Variants in KLHL32 observed in about 807,000 individuals in gnomAD.
The protein encoded by KLHL32 is kelch-like protein 32.
In KLHL32, 35 loss-of-function variants were observed where a neutral mutation model predicts 64.8. The ratio of observed to expected loss-of-function variants is 0.54; its 90% CI spans 0.41 to 0.72. The LOEUF is 0.72. Among genes scored for constraint, KLHL32 ranks in the 30% least tolerant of loss-of-function variants. The pLI, the probability that KLHL32 is intolerant of heterozygous loss-of-function variation, is 0.00. For missense variants in KLHL32, 589 were observed against 768.5 expected (o/e 0.77, Z 2.76); for synonymous variants, 259 against 281.0 (o/e 0.92, Z 0.78).
intron 3 of KLHL32, among the ~76,000 whole-genome samples, chr6:97,011,425 C>T (rs75563613): frequency 5.3e-5 from 8 of 152,164 alleles, no homozygotes; most frequent in African/African-American, 1.9e-4. Context: ...TTATTAATTA[C>T]TAATCACAAG....
the KLHL32 span, among the ~76,000 whole-genome samples, chr6:96,917,966 G>A: frequency 0.023 from 3,456 of 152,242 alleles, 53 homozygotes; most frequent in Non-Finnish European, 0.035. Flanking sequence ...AGGATGTTTA[G>A]CAGCTTCCCT....
chr6:96,925,351 A>T (rs528538496), intron 1 of KLHL32, among the ~76,000 whole-genome samples: 1 of 152,138 alleles, frequency 6.6e-6, no homozygotes, highest in Admixed American at 6.5e-5. Flanking sequence ...ATTTATTTTG[A>T]TATTTAAAAT....
chr6:96,954,572 T>A lies in KLHL32; in HGVS notation c.-65-12424T>A, dbSNP rs570477066. Among the ~76,000 whole-genome samples, 81 of 152,232 alleles carry A rather than the reference T, an allele frequency of 5.3e-4. No individual in the cohort carries two copies. In the South Asian group the frequency reaches 9.3e-3, roughly 18 times the overall value. On this transcript the variant is annotated intron_variant, in intron 1 of 10. Coordinates refer to ENST00000369261, the MANE Select transcript of KLHL32 (RefSeq NM_052904.4). The stretch of plus-strand genomic sequence containing the variant: ...AGAGTAATCTTCTAATTTCCCTGGA[T>A]TATATAAACCTAGCTGCTGGCATTC...
chr6:96,933,185 A>G (rs1218600531), intron 1 of KLHL32, among the ~76,000 whole-genome samples: 2 of 151,974 alleles, frequency 1.3e-5, no homozygotes, highest in Admixed American at 1.3e-4. Context: ...ACAACGACAT[A>G]TTTTACTCCT....
chr6:96,971,587 A>T (rs1775107933), intron 2 of KLHL32, among the ~76,000 whole-genome samples: 1 of 151,976 alleles, frequency 6.6e-6, no homozygotes, highest in African/African-American at 2.4e-5. Flanking sequence ...GCTCCCTGGC[A>T]TTACTAAAAG....
rs771880644 is a variant in KLHL32, at chr6:97,085,306, C to A, written c.592C>A (p.Arg198Ser). 2 of 1,612,844 alleles carry A rather than the reference C, an allele frequency of 1.2e-6. No individual in the cohort carries two copies. The highest frequency in any genetic ancestry group is 2.7e-5 in the African/African-American group (2 of 74,888). ...GCTTCAGGAGGTGCTGAAGAGCGAC[C>A]GCCTGACCTCCCTGAGTGAAGAGCA... ...CLLQEVLKSD[R>S]LTSLSEEQIW... The change falls in exon 6 of 11, where the codon CGC becomes AGC. Residue 198 changes from arginine to serine, a missense_variant. Transcript: ENST00000369261.
At chr6:96,947,865 T>C (rs987017989) in intron 1 of KLHL32, among the ~76,000 whole-genome samples, 6 of 152,188 alleles carry the variant, frequency 3.9e-5, no homozygotes, top group African/African-American at 1.4e-4. Context: ...GATTTAAACC[T>C]AGGCAGTTTG....
chr6:97,040,575 C>T (rs1784967336), intron 3 of KLHL32, among the ~76,000 whole-genome samples: 1 of 152,166 alleles, frequency 6.6e-6, no homozygotes, highest in South Asian at 2.1e-4. Flanking sequence ...CCCTGAGAGT[C>T]TGTACTCAGA....
chr6:97,069,195 A>G (rs73502885), intron 5 of KLHL32, among the ~76,000 whole-genome samples: 1 of 152,072 alleles, frequency 6.6e-6, no homozygotes, highest in Non-Finnish European at 1.5e-5. Context: ...AGGAACATAA[A>G]GGGAACAGGA....
intron 1 of KLHL32, among the ~76,000 whole-genome samples, chr6:96,952,889 G>A (rs1442624762): frequency 1.3e-5 from 2 of 152,130 alleles, no homozygotes; most frequent in African/African-American, 4.8e-5. Context: ...GACTCAGCCA[G>A]GCCTATGGCC....
chr6:97,035,009 G>A (rs1784078970), intron 3 of KLHL32, among the ~76,000 whole-genome samples: 1 of 151,878 alleles, frequency 6.6e-6, no homozygotes, highest in Admixed American at 6.6e-5. Flanking sequence ...TAATTGCTCT[G>A]GGTAGGACTT....
chr6:96,974,160 GTGT>G (rs1484939140), intron 2 of KLHL32, among the ~76,000 whole-genome samples: 2 of 152,050 alleles, frequency 1.3e-5, no homozygotes, highest in African/African-American at 2.4e-5. Context: ...CTGCCTCATG[GTGT>G]TGTTGTGCAG....
chr6:96,946,264 T>A (rs967467396), intron 1 of KLHL32, among the ~76,000 whole-genome samples: 3 of 152,214 alleles, frequency 2.0e-5, no homozygotes, highest in Admixed American at 2.0e-4. Context: ...CTATTTTCAG[T>A]TTCTGGTAAA....
intron 1 of KLHL32, among the ~76,000 whole-genome samples, chr6:96,944,900 T>G (rs1392311847): frequency 6.6e-6 from 1 of 152,234 alleles, no homozygotes; most frequent in African/African-American, 2.4e-5. Context: ...AAAGAGCTTT[T>G]CATGGACTTA....
rs189484229 is a variant in KLHL32, at chr6:97,002,502, T to G, written c.204+26325T>G. 5.7e-3 allele frequency among the ~76,000 whole-genome samples: 875 copies of G among 152,336 alleles called. 8 individuals carry two copies. The highest frequency in any genetic ancestry group is 5.1e-3 in the Non-Finnish European group (345 of 68,022). ...ATTTTTTGCACTTTTAGGGTCAGGG[T>G]ACATGTGCAGGTTTGTTATATAGGT... is the stretch of plus-strand genomic sequence containing the variant. On this transcript the variant is annotated intron_variant, in intron 3 of 10. Coordinates refer to ENST00000369261, the MANE Select transcript of KLHL32 (RefSeq NM_052904.4).
At chr6:96,918,137 A>C in the KLHL32 span, among the ~76,000 whole-genome samples, 1 of 152,188 alleles carries the variant, frequency 6.6e-6, no homozygotes, top group Non-Finnish European at 1.5e-5. Context: ...AGTAAATAAA[A>C]ACGGAAAGAG....
At chr6:97,071,363 G>A (rs1482820018) in intron 5 of KLHL32, among the ~76,000 whole-genome samples, 2 of 151,882 alleles carry the variant, frequency 1.3e-5, no homozygotes, top group Non-Finnish European at 2.9e-5. Flanking sequence ...TCTTTCTCGG[G>A]GCTCTCTCCT....
the KLHL32 span, among the ~76,000 whole-genome samples, chr6:96,916,418 A>G: frequency 3.3e-5 from 5 of 152,230 alleles, no homozygotes; most frequent in African/African-American, 9.6e-5. Context: ...CAGCACCAAG[A>G]TGAGTCTGTA....
intron 3 of KLHL32, among the ~76,000 whole-genome samples, chr6:96,997,996 C>T (rs1335223941): frequency 1.3e-5 from 2 of 152,030 alleles, no homozygotes; most frequent in Non-Finnish European, 2.9e-5. Flanking sequence ...TGTAGTGACA[C>T]GTGGTGTTTA....
Sources: gnomAD v4.1 joint callset for allele counts (sites outside exome capture counted in the v4.1 genomes callset) on GRCh38, gnomAD v4.1.1 for gene constraint, MANE v1.5 for transcripts, NCBI Gene and HGNC (gene_info 2026-07-23, HGNC 2026-07-21) for gene names.